ANGPT1: variants seen among roughly 807,000 people sequenced by gnomAD.
ANGPT1 encodes the protein angiopoietin 1.
In ANGPT1, 17 loss-of-function variants were observed where a neutral mutation model predicts 62.2. The observed-to-expected ratio is 0.27, with a 90% CI of 0.19 to 0.41. ANGPT1 has a LOEUF of 0.41. ANGPT1 is among the 10% of genes least tolerant of loss of function. The pLI, the probability that ANGPT1 is intolerant of heterozygous loss-of-function variation, is 1.00. For synonymous variants in ANGPT1, 199 were observed against 198.9 expected, an observed-to-expected ratio of 1.00 and a Z score of 0.00; for missense variants, 478 against 594.9, an observed-to-expected ratio of 0.80 and a Z score of 2.04.
chr8:107,257,491 A>T (rs1344440591), intron 8 of ANGPT1, among the ~76,000 whole-genome samples: 1 of 152,180 alleles, frequency 6.6e-6, no homozygotes, highest in Non-Finnish European at 1.5e-5. Flanking sequence ...TCTGATTCTA[A>T]ACAAAACACC....
chr8:107,437,292 T>C (rs1811358826), intron 1 of ANGPT1, among the ~76,000 whole-genome samples: 2 of 152,222 alleles, frequency 1.3e-5, no homozygotes, highest in Admixed American at 1.3e-4. Context: ...TGTTCGTTTC[T>C]CCTTGACTCT....
chr8:107,260,036 T>C (rs376538037), intron 8 of ANGPT1, among the ~76,000 whole-genome samples: 7 of 152,282 alleles, frequency 4.6e-5, no homozygotes, highest in African/African-American at 1.7e-4. Context: ...AAACTTATGC[T>C]CTAGCCTGTC....
chr8:107,331,611 G>C (rs918846443), intron 3 of ANGPT1, among the ~76,000 whole-genome samples: 1 of 152,120 alleles, frequency 6.6e-6, no homozygotes, highest in African/African-American at 2.4e-5. Flanking sequence ...CTTGATTTCT[G>C]TGAGCCTCAG....
Position 107,264,393 on chromosome 8 carries a change from A to G in ANGPT1, c.1206-42T>C, listed in dbSNP as rs368073535. Reference sequence around the variant, plus strand: ...AAAAAAGAAAGATAAGCCATTCGACAGAATAACAGAACCCAGAAGACCAGC... The same window carrying G: ...AAAAAAGAAAGATAAGCCATTCGACGGAATAACAGAACCCAGAAGACCAGC... On this transcript the variant is annotated intron_variant, in intron 7 of 8. Coordinates refer to ENST00000517746, the MANE Select transcript of ANGPT1 (RefSeq NM_001146.5). The G allele has an allele frequency of 3.1e-6, 5 of 1,595,736 alleles. No homozygotes were observed. The African/African-American group carries it at 5.4e-5, about 17-fold the overall frequency.
intron 1 of ANGPT1, among the ~76,000 whole-genome samples, chr8:107,390,150 A>G (rs1040954880): frequency 2.0e-5 from 3 of 152,334 alleles, no homozygotes; most frequent in Non-Finnish European, 2.9e-5. Context: ...TCACTCTTCA[A>G]TAATTCCTAG....
intron 1 of ANGPT1, chr8:107,494,946 G>A (rs376407766): frequency 8.5e-4 from 130 of 152,154 alleles, no homozygotes; most frequent in African/African-American, 3.1e-3. Context: ...GTTTCTGCAG[G>A]GTGTTGCTTC....
At chr8:107,313,665 G>A (rs1422956332) in intron 4 of ANGPT1, among the ~76,000 whole-genome samples, 4 of 151,054 alleles carry the variant, frequency 2.6e-5, no homozygotes, top group Admixed American at 6.6e-5. Context: ...GGATGGTCTC[G>A]ATCTCCTGAC....
At chr8:107,318,202 G>C (rs905119181) in intron 4 of ANGPT1, among the ~76,000 whole-genome samples, 3 of 152,182 alleles carry the variant, frequency 2.0e-5, no homozygotes, top group Admixed American at 2.0e-4. Context: ...GTGTTACTCA[G>C]AAGCCTTACA....
intron 1 of ANGPT1, among the ~76,000 whole-genome samples, chr8:107,442,144 A>G (rs1468819250): frequency 6.6e-6 from 1 of 152,166 alleles, no homozygotes. Context: ...TTTAGCTGGA[A>G]GTCAAGGAGA....
chr8:107,452,503 TA>T (rs1236507572), intron 1 of ANGPT1, among the ~76,000 whole-genome samples: 1 of 150,608 alleles, frequency 6.6e-6, no homozygotes, highest in Non-Finnish European at 1.5e-5. Context: ...TTTTTATTTT[TA>T]TTTTTTTTGA....
intron 1 of ANGPT1, among the ~76,000 whole-genome samples, chr8:107,481,121 G>A (rs1302053235): frequency 6.6e-6 from 1 of 152,158 alleles, no homozygotes. Flanking sequence ...CAATGCTCGT[G>A]CTAATTCATC....
Position 107,397,359 on chromosome 8 carries a change from A to G in ANGPT1, c.298-50262T>C, listed in dbSNP as rs889055708. ...GAAAATGTTAGGCTCCAATAAAACA[A>G]AGCCAGATGCTTTTGACTCATACAA... On this transcript the variant is annotated intron_variant, in intron 1 of 8. Coordinates refer to ENST00000517746, the MANE Select transcript of ANGPT1 (RefSeq NM_001146.5). Among the ~76,000 whole-genome samples, 7 of 152,140 alleles carry G rather than the reference A, an allele frequency of 4.6e-5. 1 individual carries two copies. The highest frequency in any genetic ancestry group is 4.6e-4 in the Admixed American group (7 of 15,276).
chr8:107,464,430 T>C (rs1281727941), intron 1 of ANGPT1, among the ~76,000 whole-genome samples: 1 of 152,044 alleles, frequency 6.6e-6, no homozygotes, highest in Non-Finnish European at 1.5e-5. Flanking sequence ...TTGAAATCAG[T>C]AGAAAAAAAG....
intron 1 of ANGPT1, among the ~76,000 whole-genome samples, chr8:107,382,569 A>G (rs1816660231): frequency 6.6e-6 from 1 of 151,818 alleles, no homozygotes; most frequent in Non-Finnish European, 1.5e-5. Flanking sequence ...AGCATTTCCC[A>G]TTTTCCATGG....
At chr8:107,349,122 T>TTAGATAGATAGATAGATAGATAGA (rs142050677) in intron 1 of ANGPT1, among the ~76,000 whole-genome samples, 1 of 143,802 alleles carries the variant, frequency 7.0e-6, no homozygotes. Context: ...GATAAGGAGA[T>TTAGATAGATAGATAGATAGATAGA]TAGATAGATA....
At chr8:107,407,423 T>G (rs533968995) in intron 1 of ANGPT1, among the ~76,000 whole-genome samples, 9 of 152,198 alleles carry the variant, frequency 5.9e-5, no homozygotes, top group Non-Finnish European at 1.2e-4. Context: ...GACTTTCATT[T>G]TTGTTCATCA....
chr8:107,305,280 C>T (rs917576907), intron 4 of ANGPT1, among the ~76,000 whole-genome samples: 3 of 151,930 alleles, frequency 2.0e-5, no homozygotes, highest in South Asian at 2.1e-4. Context: ...AGGAACCCAA[C>T]GGTAAACCCA....
At position 107,284,511 on chromosome 8, in the gene ANGPT1, T is replaced by G. The variant is rs559896846; in HGVS notation, c.1205+171A>C. On this transcript the variant is annotated intron_variant, in intron 7 of 8. Transcript: ENST00000517746. ...CTACGAAAACTGAAATTTAAATCTT[T>G]GAAAAAGTCTTTACAGGCTTTTTTG... 1.2e-5 allele frequency: 6 copies of G among 500,736 alleles called. No individual in the cohort carries two copies. The East Asian group carries it at 2.2e-4, about 18-fold the overall frequency. 31.0% of individuals were successfully genotyped at this position (500,736 alleles called of 1,614,324 possible).
At chr8:107,480,138 A>G (rs576918417) in intron 1 of ANGPT1, among the ~76,000 whole-genome samples, 13 of 152,302 alleles carry the variant, frequency 8.5e-5, no homozygotes, top group Non-Finnish European at 1.8e-4. Context: ...ATGTATGCCT[A>G]AGTAAATGGT....
Sources: gnomAD v4.1 joint callset for allele counts (sites outside exome capture counted in the v4.1 genomes callset) on GRCh38, gnomAD v4.1.1 for gene constraint, MANE v1.5 for transcripts, NCBI Gene and HGNC (gene_info 2026-07-23, HGNC 2026-07-21) for gene names.